The following SPHKAP variants were observed in gnomAD, a reference collection of about 807,000 sequenced individuals.
SPHKAP encodes A-kinase anchor protein SPHKAP.
Under a neutral mutation model 137.5 loss-of-function variants are expected in SPHKAP, and 67 were observed. That is an observed-to-expected ratio of 0.49 (90% CI 0.40 to 0.60). SPHKAP has a LOEUF of 0.60. Ranked by LOEUF, SPHKAP falls within the 20% of genes least tolerant of loss-of-function variation. The probability of loss-of-function intolerance (pLI) is 0.00; values close to 1 mark genes in which losing one functional copy is unlikely to be tolerated. For synonymous variants in SPHKAP, 813 were observed against 785.3 expected, an observed-to-expected ratio of 1.04 and a Z score of -0.59; for missense variants, 2,097 against 2,069.3, an observed-to-expected ratio of 1.01 and a Z score of -0.26.
At chr2:228,074,420 G>A (rs1242179322) in intron 3 of SPHKAP, among the ~76,000 whole-genome samples, 1 of 152,162 alleles carries the variant, frequency 6.6e-6, no homozygotes, top group Non-Finnish European at 1.5e-5. Flanking sequence ...TATGGCGGAA[G>A]GTGAAGGGGA....
intron 2 of SPHKAP, among the ~76,000 whole-genome samples, chr2:228,122,948 A>T (rs1698959690): frequency 6.6e-6 from 1 of 152,088 alleles, no homozygotes; most frequent in African/African-American, 2.4e-5. Context: ...ACTCATAAAC[A>T]TCTTAGCCTA....
chr2:228,069,446 TTTC>T (rs1338090053), intron 3 of SPHKAP, among the ~76,000 whole-genome samples: 1 of 60,162 alleles, frequency 1.7e-5, no homozygotes, highest in African/African-American at 7.5e-5. Flanking sequence ...TCTTTCTTTC[TTTC>T]TTTTTTTTTT....
At chr2:228,166,140 G>A (rs1700417293) in intron 1 of SPHKAP, among the ~76,000 whole-genome samples, 2 of 152,122 alleles carry the variant, frequency 1.3e-5, no homozygotes, top group African/African-American at 2.4e-5. Context: ...ATTAAAGGGA[G>A]TACTGGCAAA....
chr2:228,127,435 G>T (rs144933280), intron 2 of SPHKAP, among the ~76,000 whole-genome samples: 40 of 152,280 alleles, frequency 2.6e-4, no homozygotes, highest in Non-Finnish European at 4.4e-4. Flanking sequence ...GAGAAGGTAA[G>T]CAATGGCAGC....
intron 3 of SPHKAP, among the ~76,000 whole-genome samples, chr2:228,056,089 C>T (rs1696432316): frequency 6.6e-6 from 1 of 152,164 alleles, no homozygotes; most frequent in African/African-American, 2.4e-5. Context: ...AGTGCTATGC[C>T]CTCAAACTAA....
intron 2 of SPHKAP, among the ~76,000 whole-genome samples, chr2:228,128,315 C>A (rs1448560734): frequency 1.3e-5 from 2 of 152,164 alleles, no homozygotes; most frequent in Non-Finnish European, 2.9e-5. Context: ...GGAGTAGAGT[C>A]CATCTCAAGA....
rs1338408262 is a variant in SPHKAP, at chr2:228,099,897, G to A, written c.246+8935C>T. Among the ~76,000 whole-genome samples, 11 of 151,518 alleles carry A rather than the reference G, an allele frequency of 7.3e-5. No individual in the cohort carries two copies. The South Asian group carries it at 8.4e-4, about 12-fold the overall frequency. On this transcript the variant is annotated intron_variant, in intron 3 of 11. Coordinates refer to ENST00000392056, the MANE Select transcript of SPHKAP (RefSeq NM_001142644.2). ...TGGAATCTCGCTCTGTGGCCCAGGC[G>A]GGAGTGCAGTGGCGCAATCTCGGCT...
At position 228,181,687 on chromosome 2, in the gene SPHKAP, T is replaced by C; in HGVS notation, c.-89A>G. On this transcript the variant is annotated 5_prime_UTR_variant, in exon 1 of 12. Coordinates refer to ENST00000392056, the MANE Select transcript of SPHKAP (RefSeq NM_001142644.2). The surrounding 1 kb of genome is among the most constrained non-coding windows in gnomAD (Gnocchi z 4.3). ...GGACCCAGCTCCCAGAGTGCCAGAC[T>C]GGCGCGCGCCAGGAGAGAGGCGCGC... 6.2e-7 allele frequency: 1 copy of C among 1,612,730 alleles called. No homozygotes were observed. The highest frequency in any genetic ancestry group is 2.2e-5 in the East Asian group (1 of 44,818).
Position 228,017,987 on chromosome 2 carries a change from T to A in SPHKAP, c.2867A>T (p.Gln956Leu), listed in dbSNP as rs1054024658. The A allele has an allele frequency of 6.2e-7, 1 of 1,614,118 alleles. No individual in the cohort carries two copies. The change falls in exon 7 of 12, where the codon CAA becomes CTA. Residue 956 changes from glutamine to leucine, a missense_variant. Coordinates refer to ENST00000392056, the MANE Select transcript of SPHKAP (RefSeq NM_001142644.2). ...AICLDNSSGK[Q>L]PWFCAWKRGS... ...TCTTTTCCATGCACAAAACCAGGGTTGTTTTCCACTGGAGTTGTCAAGGCA... is the reference window on the plus strand; with the variant it reads ...TCTTTTCCATGCACAAAACCAGGGTAGTTTTCCACTGGAGTTGTCAAGGCA...
intron 3 of SPHKAP, among the ~76,000 whole-genome samples, chr2:228,034,873 A>T (rs1287282919): frequency 2.0e-5 from 3 of 152,090 alleles, no homozygotes; most frequent in African/African-American, 7.2e-5. Flanking sequence ...TATTGATGGG[A>T]CATATCTCAA....
At chr2:228,069,315 G>A (rs1696931529) in intron 3 of SPHKAP, among the ~76,000 whole-genome samples, 1 of 152,162 alleles carries the variant, frequency 6.6e-6, no homozygotes, top group East Asian at 1.9e-4. Context: ...GACTCCTGAA[G>A]CCACCTTCCA....
At chr2:228,131,718 T>A in intron 2 of SPHKAP, 4 of 914,034 alleles carry the variant, frequency 4.4e-6, no homozygotes, top group Non-Finnish European at 5.2e-6. Flanking sequence ...ATGGCTAAGT[T>A]TAAAAAGAAG....
intron 1 of SPHKAP, among the ~76,000 whole-genome samples, chr2:228,155,620 T>G (rs990757813): frequency 1.3e-5 from 2 of 152,150 alleles, no homozygotes; most frequent in African/African-American, 4.8e-5. Context: ...TAGGACAATA[T>G]AGCCATTGGC....
intron 8 of SPHKAP, among the ~76,000 whole-genome samples, chr2:227,994,907 G>A (rs1293419058): frequency 1.3e-5 from 2 of 152,212 alleles, no homozygotes; most frequent in African/African-American, 4.8e-5. Context: ...TTGTGGTTCA[G>A]TATCAAATGA....
At chr2:228,096,437 G>C (rs13432686) in intron 3 of SPHKAP, among the ~76,000 whole-genome samples, 47,615 of 151,758 alleles carry the variant, frequency 0.31, 7,713 homozygotes, top group Admixed American at 0.4. Context: ...CCACCACCCC[G>C]ACAAGCCCCT....
intron 7 of SPHKAP, among the ~76,000 whole-genome samples, chr2:228,012,857 A>G (rs1303301220): frequency 1.3e-5 from 2 of 152,370 alleles, no homozygotes; most frequent in Admixed American, 1.3e-4. Context: ...TTGTGGTCTC[A>G]ACTTATCAAG....
intron 1 of SPHKAP, among the ~76,000 whole-genome samples, chr2:228,178,824 A>G (rs974264392): frequency 6.6e-6 from 1 of 152,150 alleles, no homozygotes; most frequent in African/African-American, 2.4e-5. Context: ...CGCAATCCAC[A>G]TAATTTACTG....
chr2:228,129,337 T>C (rs987464975), intron 2 of SPHKAP, among the ~76,000 whole-genome samples: 1 of 152,222 alleles, frequency 6.6e-6, no homozygotes, highest in Non-Finnish European at 1.5e-5. Context: ...CTAAGTCCAA[T>C]AATGTGAAGT....
chr2:228,179,701 G>A (rs368274593), intron 1 of SPHKAP, among the ~76,000 whole-genome samples: 1 of 152,140 alleles, frequency 6.6e-6, no homozygotes, highest in Non-Finnish European at 1.5e-5. Context: ...ATTTTGATAG[G>A]CCACTACAAG....
Sources: allele counts gnomAD v4.1 joint callset (sites outside exome capture counted in the v4.1 genomes callset), GRCh38; gene constraint gnomAD v4.1.1; non-coding constraint Gnocchi (gnomAD v3.1); transcripts MANE v1.5; gene names NCBI Gene and HGNC (gene_info 2026-07-23, HGNC 2026-07-21).